Variants in SIPA1L1 observed in about 807,000 individuals in gnomAD.
SIPA1L1 encodes the protein signal induced proliferation associated 1 like 1, also known as signal-induced proliferation-associated 1-like protein 1.
In SIPA1L1, 26 loss-of-function variants were observed where a neutral mutation model predicts 162.7. The observed-to-expected ratio is 0.16, with a 90% confidence interval of 0.12 to 0.22. The LOEUF is 0.22. SIPA1L1 is among the 10% of genes least tolerant of loss of function. SIPA1L1 has a pLI of 1.00. For missense variants in SIPA1L1, 1,874 were observed against 2,241.0 expected, an observed-to-expected ratio of 0.84 and a Z score of 3.31; for synonymous variants, 829 against 837.4, an observed-to-expected ratio of 0.99 and a Z score of 0.17.
intron 2 of SIPA1L1, among the ~76,000 whole-genome samples, chr14:71,367,897 G>A (rs913141802): frequency 3.4e-5 from 5 of 148,478 alleles, no homozygotes; most frequent in Non-Finnish European, 7.4e-5. Flanking sequence ...ATGAGCCAGC[G>A]TGCCGGCCTT....
chr14:71,704,006 T>A (rs1378142923), intron 15 of SIPA1L1, among the ~76,000 whole-genome samples: 3 of 152,312 alleles, frequency 2.0e-5, no homozygotes, highest in East Asian at 1.9e-4. Flanking sequence ...ATACTTTTTT[T>A]AAAATAAGAT....
chr14:71,548,924 G>GCTTATATA (rs2055516269), intron 4 of SIPA1L1, among the ~76,000 whole-genome samples: 1 of 150,048 alleles, frequency 6.7e-6, no homozygotes, highest in South Asian at 2.1e-4. Context: ...GAAAAGGCAT[G>GCTTATATA]CTTATATAGT....
chr14:71,653,920 T>C (rs1171655802), intron 8 of SIPA1L1, among the ~76,000 whole-genome samples: 1 of 152,186 alleles, frequency 6.6e-6, no homozygotes, highest in Non-Finnish European at 1.5e-5. Flanking sequence ...GTAGTGTGGT[T>C]AATGAAGTGT....
chr14:71,471,004 A>T (rs1403039690), intron 2 of SIPA1L1, among the ~76,000 whole-genome samples: 2 of 151,764 alleles, frequency 1.3e-5, no homozygotes, highest in South Asian at 2.1e-4. Context: ...CACCCAGCAA[A>T]TTTTTTGTAT....
At chr14:71,728,794 G>T (rs767843620) in intron 19 of SIPA1L1, among the ~76,000 whole-genome samples, 12 of 152,188 alleles carry the variant, frequency 7.9e-5, no homozygotes, top group Non-Finnish European at 1.8e-4. Flanking sequence ...TGGCCTAAGA[G>T]CAAATGAATA....
intron 2 of SIPA1L1, among the ~76,000 whole-genome samples, chr14:71,428,085 C>T (rs1002091827): frequency 9.9e-5 from 15 of 151,942 alleles, no homozygotes; most frequent in African/African-American, 3.6e-4. Context: ...CTCCACCTCC[C>T]AGATTCAAGC....
At chr14:71,590,044 A>ATAT (rs1358959562) in intron 5 of SIPA1L1, among the ~76,000 whole-genome samples, 12 of 59,584 alleles carry the variant, frequency 2.0e-4, no homozygotes, top group African/African-American at 2.5e-4. Context: ...AAAAAAAAAA[A>ATAT]ATATATATAT....
intron 4 of SIPA1L1, among the ~76,000 whole-genome samples, chr14:71,530,295 A>G (rs1483076339): frequency 6.6e-6 from 1 of 152,168 alleles, no homozygotes; most frequent in Non-Finnish European, 1.5e-5. Context: ...GTGATTTAGT[A>G]TTCAAAGACA....
chr14:71,326,785 C>T (rs1393592974), intron 2 of SIPA1L1, among the ~76,000 whole-genome samples: 1 of 142,072 alleles, frequency 7.0e-6, no homozygotes, highest in Non-Finnish European at 1.5e-5. Flanking sequence ...CATCTCTGCT[C>T]ACTGCAACCT....
intron 2 of SIPA1L1, among the ~76,000 whole-genome samples, chr14:71,441,859 C>A (rs981747340): frequency 2.0e-5 from 3 of 151,928 alleles, no homozygotes; most frequent in African/African-American, 7.3e-5. Context: ...AATAAAATAA[C>A]CATGTAGATC....
intron 2 of SIPA1L1, among the ~76,000 whole-genome samples, chr14:71,494,300 T>C (rs1374078873): frequency 6.6e-6 from 1 of 152,090 alleles, no homozygotes; most frequent in Non-Finnish European, 1.5e-5. Flanking sequence ...TAAGGCTTTT[T>C]TTCTTTTTCT....
chr14:71,719,370 G>A (rs998820056), intron 17 of SIPA1L1, among the ~76,000 whole-genome samples: 12 of 152,160 alleles, frequency 7.9e-5, no homozygotes, highest in African/African-American at 1.2e-4. Flanking sequence ...CTAGTTTTCC[G>A]AAGTGGTCAT....
At chr14:71,599,938 A>G (rs1005248813) in intron 5 of SIPA1L1, among the ~76,000 whole-genome samples, 3 of 151,922 alleles carry the variant, frequency 2.0e-5, no homozygotes, top group Non-Finnish European at 4.4e-5. Flanking sequence ...ATGTTTATTC[A>G]TACTTGTTTT....
At chr14:71,670,229 T>G (rs1016082702) in intron 10 of SIPA1L1, among the ~76,000 whole-genome samples, 1 of 152,180 alleles carries the variant, frequency 6.6e-6, no homozygotes, top group African/African-American at 2.4e-5. Flanking sequence ...CCTTTGTTGT[T>G]TTAGGAGAAA....
chr14:71,723,682 T>G lies in SIPA1L1; in HGVS notation c.4244T>G (p.Val1415Gly), dbSNP rs200667243. The G allele has an allele frequency of 4.5e-5, 73 of 1,613,970 alleles. No individual in the cohort carries two copies. Among genetic ancestry groups the G allele is most frequent in the Non-Finnish European group, 5.7e-5 (67 of 1,180,018 alleles). ...MSSRHSASPVVFTSARSSPKE... is the reference protein window; with the variant it reads ...MSSRHSASPVGFTSARSSPKE... ...TCCCGACACTCTGCCAGCCCAGTGG[T>G]TTTCACCAGTGCCCGGAGTTCACCT... The change falls in exon 18 of 24, where the codon GTT (valine) becomes GGT (glycine). Residue 1415 changes from valine to glycine, a missense_variant. Physicochemically the swap from Val to Gly is moderately radical, Grantham distance 109. Transcript: ENST00000381232.
intron 2 of SIPA1L1, among the ~76,000 whole-genome samples, chr14:71,344,048 A>C (rs1324007518): frequency 2.6e-5 from 4 of 152,256 alleles, no homozygotes; most frequent in Admixed American, 6.5e-5. Flanking sequence ...AGGAGAAGCA[A>C]GGAAAAAACA....
At chr14:71,559,832 C>CT (rs34522690) in intron 4 of SIPA1L1, among the ~76,000 whole-genome samples, 11 of 148,400 alleles carry the variant, frequency 7.4e-5, no homozygotes, top group Admixed American at 2.0e-4. Flanking sequence ...ATTATATAAA[C>CT]TTTTTTTTTT....
At chr14:71,364,429 C>T (rs971170664) in intron 2 of SIPA1L1, among the ~76,000 whole-genome samples, 1 of 152,094 alleles carries the variant, frequency 6.6e-6, no homozygotes, top group African/African-American at 2.4e-5. Flanking sequence ...TCATGACTGT[C>T]GTATAAATGG....
intron 2 of SIPA1L1, among the ~76,000 whole-genome samples, chr14:71,409,127 A>G (rs1291663465): frequency 2.6e-5 from 4 of 152,178 alleles, no homozygotes; most frequent in Non-Finnish European, 5.9e-5. Context: ...TAAAGTGAGT[A>G]TATCTGTAAG....
Sources: gnomAD v4.1 joint callset for allele counts (sites outside exome capture counted in the v4.1 genomes callset) on GRCh38, gnomAD v4.1.1 for gene constraint, MANE v1.5 for transcripts, NCBI Gene and HGNC (gene_info 2026-07-23, HGNC 2026-07-21) for gene names.